The following ATXN7L1 variants were observed in gnomAD, a reference collection of about 807,000 sequenced individuals.
ATXN7L1 encodes the protein ataxin 7 like 1.
In ATXN7L1, 15 loss-of-function variants were observed where a neutral mutation model predicts 70.8. That is an observed-to-expected ratio of 0.21 (90% CI 0.14 to 0.33). ATXN7L1 has a LOEUF of 0.33. Among genes scored for constraint, ATXN7L1 ranks in the 10% least tolerant of loss-of-function variants. ATXN7L1 has a pLI of 1.00. For missense variants in ATXN7L1, 975 were observed against 1,097.1 expected, an observed-to-expected ratio of 0.89 and a Z score of 1.57; for synonymous variants, 440 against 445.1, an observed-to-expected ratio of 0.99 and a Z score of 0.14.
At chr7:105,831,916 A>C (rs973764704) in intron 2 of ATXN7L1, among the ~76,000 whole-genome samples, 1 of 152,184 alleles carries the variant, frequency 6.6e-6, no homozygotes, top group African/African-American at 2.4e-5. Flanking sequence ...CTTCTCTGCA[A>C]AAGACTGAAG....
At chr7:105,713,998 C>T (rs1345186685) in intron 3 of ATXN7L1, among the ~76,000 whole-genome samples, 1 of 152,222 alleles carries the variant, frequency 6.6e-6, no homozygotes, top group Non-Finnish European at 1.5e-5. Flanking sequence ...TCCAGGACAT[C>T]GTGGTTCCAT....
chr7:105,804,895 G>A (rs911674453), intron 2 of ATXN7L1, among the ~76,000 whole-genome samples: 1 of 152,240 alleles, frequency 6.6e-6, no homozygotes, highest in African/African-American at 2.4e-5. Context: ...CTCTTAGGAT[G>A]TTGTACCTTT....
chr7:105,755,152 T>C (rs1799658736), intron 3 of ATXN7L1, among the ~76,000 whole-genome samples: 1 of 152,198 alleles, frequency 6.6e-6, no homozygotes, highest in African/African-American at 2.4e-5. Flanking sequence ...TTACCCTCTT[T>C]TGGAACTCTC....
chr7:105,719,823 G>A (rs1794977558), intron 3 of ATXN7L1, among the ~76,000 whole-genome samples: 1 of 152,174 alleles, frequency 6.6e-6, no homozygotes, highest in Non-Finnish European at 1.5e-5. Flanking sequence ...CGTTCCTTTT[G>A]GAGTAGATTT....
intron 2 of ATXN7L1, among the ~76,000 whole-genome samples, chr7:105,812,650 A>G (rs1808596750): frequency 6.6e-6 from 1 of 152,182 alleles, no homozygotes; most frequent in Admixed American, 6.5e-5. Context: ...CACTGTACAG[A>G]TATTTACTAA....
intron 3 of ATXN7L1, among the ~76,000 whole-genome samples, chr7:105,680,071 T>C (rs773401252): frequency 7.1e-6 from 1 of 140,092 alleles, no homozygotes; most frequent in Non-Finnish European, 1.5e-5. Context: ...ACATGCCTTT[T>C]AGTAAAAAAA....
At chr7:105,840,787 G>A (rs1337582029) in intron 2 of ATXN7L1, among the ~76,000 whole-genome samples, 1 of 152,120 alleles carries the variant, frequency 6.6e-6, no homozygotes, top group Non-Finnish European at 1.5e-5. Flanking sequence ...ACTTACCGGC[G>A]GTGAGCACAC....
intron 2 of ATXN7L1, among the ~76,000 whole-genome samples, chr7:105,807,441 C>T (rs1003758803): frequency 1.9e-4 from 29 of 152,198 alleles, no homozygotes; most frequent in African/African-American, 4.8e-5. Context: ...CCATGCAGGG[C>T]GAGAACAGGA....
intron 2 of ATXN7L1, among the ~76,000 whole-genome samples, chr7:105,816,293 A>C (rs1457549791): frequency 6.6e-6 from 1 of 152,210 alleles, no homozygotes; most frequent in Non-Finnish European, 1.5e-5. Context: ...GGAGAGTCTG[A>C]GAAGGGCACT....
chr7:105,621,369 T>C (rs1034686145), intron 8 of ATXN7L1, among the ~76,000 whole-genome samples: 1 of 152,218 alleles, frequency 6.6e-6, no homozygotes, highest in African/African-American at 2.4e-5. Flanking sequence ...CATTTTGCCT[T>C]GGACTTATGA....
intron 3 of ATXN7L1, among the ~76,000 whole-genome samples, chr7:105,689,067 A>C (rs1362255403): frequency 6.6e-6 from 1 of 152,180 alleles, no homozygotes; most frequent in Non-Finnish European, 1.5e-5. Flanking sequence ...CATCTGGCTC[A>C]GTGCTGCCTT....
At chr7:105,766,124 T>C (rs188621403) in intron 3 of ATXN7L1, among the ~76,000 whole-genome samples, 1 of 151,206 alleles carries the variant, frequency 6.6e-6, no homozygotes, top group East Asian at 1.9e-4. Flanking sequence ...GGCTTATCCT[T>C]CATTTACAAA....
intron 2 of ATXN7L1, among the ~76,000 whole-genome samples, chr7:105,828,545 T>A (rs1461959342): frequency 6.6e-6 from 1 of 152,194 alleles, no homozygotes; most frequent in Non-Finnish European, 1.5e-5. Flanking sequence ...TGAATATGAA[T>A]GTAAGAACTG....
intron 2 of ATXN7L1, among the ~76,000 whole-genome samples, chr7:105,827,297 A>G (rs1243421512): frequency 6.6e-6 from 1 of 152,210 alleles, no homozygotes; most frequent in Non-Finnish European, 1.5e-5. Flanking sequence ...ATCATTCATT[A>G]AACATTTAAA....
chr7:105,813,043 C>T (rs1271632367), intron 2 of ATXN7L1, among the ~76,000 whole-genome samples: 2 of 152,136 alleles, frequency 1.3e-5, no homozygotes, highest in Non-Finnish European at 2.9e-5. Flanking sequence ...CAAACAACCC[C>T]ACCACCAAAA....
chr7:105,776,460 C>CT (rs1029513249), intron 3 of ATXN7L1, among the ~76,000 whole-genome samples: 258 of 146,056 alleles, frequency 1.8e-3, no homozygotes, highest in African/African-American at 5.3e-3. Context: ...TTCCAAGATT[C>CT]TTTTTTTTTT....
rs185281998 is a variant in ATXN7L1, at chr7:105,762,641, G to A, written c.355+25963C>T. Among the ~76,000 whole-genome samples, 7 of 152,162 alleles carry A rather than the reference G, an allele frequency of 4.6e-5. No homozygotes were observed. In the East Asian group the frequency reaches 1.2e-3, roughly 25 times the overall value. On this transcript the variant is annotated intron_variant, in intron 3 of 11. Coordinates refer to ENST00000419735, the MANE Select transcript of ATXN7L1 (RefSeq NM_020725.2). Reference sequence around the variant, plus strand: ...AGCCCTCCTCATCTTTACACCAAAGGCCCTGTCAATGATTCTTGTGCTTTT... The same window carrying A: ...AGCCCTCCTCATCTTTACACCAAAGACCCTGTCAATGATTCTTGTGCTTTT...
chr7:105,845,023 G>A (rs535742727), intron 2 of ATXN7L1, among the ~76,000 whole-genome samples: 2 of 151,894 alleles, frequency 1.3e-5, no homozygotes, highest in Non-Finnish European at 2.9e-5. Context: ...TGGCCAACAT[G>A]GTGAAACCCT....
At chr7:105,708,799 C>A (rs1354310189) in intron 3 of ATXN7L1, among the ~76,000 whole-genome samples, 1 of 152,198 alleles carries the variant, frequency 6.6e-6, no homozygotes, top group Non-Finnish European at 1.5e-5. Flanking sequence ...TCTTCTTTTG[C>A]TTTCCATTTA....
Sources: gnomAD v4.1 joint callset for allele counts (sites outside exome capture counted in the v4.1 genomes callset) on GRCh38, gnomAD v4.1.1 for gene constraint, MANE v1.5 for transcripts, NCBI Gene and HGNC (gene_info 2026-07-23, HGNC 2026-07-21) for gene names.